The following RNF17 variants were observed in gnomAD, a reference collection of about 807,000 sequenced individuals.
RNF17 encodes ring finger protein 17.
RNF17 carries 31 observed loss-of-function variants against 200.5 expected under a neutral mutation model. The observed-to-expected ratio is 0.15, with a 90% CI of 0.12 to 0.21. RNF17 has a LOEUF of 0.21. Among genes scored for constraint, RNF17 ranks in the 10% least tolerant of loss-of-function variants. RNF17 has a pLI of 1.00. For missense variants in RNF17, 1,628 were observed against 1,905.1 expected (o/e 0.85, Z 2.71); for synonymous variants, 606 against 637.8 (o/e 0.95, Z 0.75).
intron 15 of RNF17, 108 bp downstream of exon 15, chr13:24,804,537 A>G (rs1260883643): frequency 1.4e-6 from 1 of 739,086 alleles, no homozygotes; most frequent in Non-Finnish European, 2.1e-6. Context: ...CAAACGTACC[A>G]CTGTTAACCT....
At chr13:24,873,465 G>T (rs1360508026) in intron 32 of RNF17, among the ~76,000 whole-genome samples, 1 of 152,082 alleles carries the variant, frequency 6.6e-6, no homozygotes, top group African/African-American at 2.4e-5. Flanking sequence ...GTATGTTTAT[G>T]GGGTACATGT....
In RNF17 at chr13:24,781,883, G is replaced by A. The variant is rs1313270614; in HGVS notation, c.550G>A (p.Glu184Lys). The change falls in exon 6 of 36, where the codon GAA (glutamate) becomes AAA (lysine). Residue 184 changes from glutamate (E) to lysine (K), a missense_variant. Around this residue, in one of 5 missense-constraint regions of RNF17, gnomAD observed 502 missense variants for 501.7 expected, o/e 1.00. Transcript: ENST00000255324. ...HMQKQTIEER[E>K]RVIEVVEKQF... Reference sequence around the variant, plus strand: ...GCAGAAGCAAACGATAGAGGAAAGAGAAAGAGTTATAGAAGTTGTGGAGAA... The same window carrying A: ...GCAGAAGCAAACGATAGAGGAAAGAAAAAGAGTTATAGAAGTTGTGGAGAA... 7 of 1,612,506 alleles carry A rather than the reference G, an allele frequency of 4.3e-6. No homozygotes were observed. Among genetic ancestry groups the A allele is most frequent in the African/African-American group, 1.3e-5 (1 of 74,760 alleles).
intron 30 of RNF17, 106 bp from the exon 31 acceptor site, chr13:24,868,491 AAAC>A: frequency 3.2e-5 from 18 of 566,286 alleles, no homozygotes; most frequent in Admixed American, 9.0e-5. Flanking sequence ...AAAAAAAAAA[AAAC>A]TTGCTTTCTG....
At chr13:24,834,201 G>A (rs1306067294) in intron 18 of RNF17, among the ~76,000 whole-genome samples, 1 of 152,020 alleles carries the variant, frequency 6.6e-6, no homozygotes, top group African/African-American at 2.4e-5. Flanking sequence ...GAGGTCAGGA[G>A]TTTGAGACCA....
intron 6 of RNF17, among the ~76,000 whole-genome samples, chr13:24,786,263 G>C (rs1312721365): frequency 6.6e-6 from 1 of 152,066 alleles, no homozygotes; most frequent in African/African-American, 2.4e-5. Context: ...TTGAGTAGTA[G>C]ACAGCTTAAC....
chr13:24,809,955 G>A (rs1428728489), intron 15 of RNF17, among the ~76,000 whole-genome samples: 1 of 152,144 alleles, frequency 6.6e-6, no homozygotes, highest in Non-Finnish European at 1.5e-5. Flanking sequence ...GCGGTTTTGA[G>A]TGAGATTCTT....
intron 15 of RNF17, among the ~76,000 whole-genome samples, chr13:24,810,892 C>T (rs1886514921): frequency 6.7e-6 from 1 of 149,058 alleles, no homozygotes; most frequent in African/African-American, 2.5e-5. Flanking sequence ...ATTTCTCCTT[C>T]ACTTATGAAG....
intron 7 of RNF17, among the ~76,000 whole-genome samples, chr13:24,788,762 C>T (rs1249921164): frequency 1.3e-5 from 2 of 152,150 alleles, no homozygotes; most frequent in Non-Finnish European, 2.9e-5. Context: ...TCTTTGCTGA[C>T]TTCTGCCTCA....
At chr13:24,886,478 G>GTAAC in the RNF17 span, 2 of 591,914 alleles carry the variant, frequency 3.4e-6, no homozygotes, top group South Asian at 3.0e-5. Flanking sequence ...ATGATTCAAT[G>GTAAC]TAACTAATAG....
Position 24,844,816 on chromosome 13 carries a change from T to G in RNF17, c.2982+14T>G. ...ACATTGGTAGAGGTAAATTACAGAG[T>G]TAAAAGTGTAATTGTGAAGGTGAAT... On this transcript the variant is annotated intron_variant, in intron 21 of 35. Transcript: ENST00000255324. 2 of 1,607,382 alleles carry G rather than the reference T, an allele frequency of 1.2e-6. No homozygotes were observed. The highest frequency in any genetic ancestry group is 1.7e-6 in the Non-Finnish European group (2 of 1,177,458).
chr13:24,748,190 G>T, the RNF17 span, among the ~76,000 whole-genome samples: 1 of 152,220 alleles, frequency 6.6e-6, no homozygotes, highest in African/African-American at 2.4e-5. Context: ...ACCCCTAATT[G>T]AGTTATCGTG....
At chr13:24,823,449 C>T (rs1176105758) in intron 15 of RNF17, among the ~76,000 whole-genome samples, 1 of 150,508 alleles carries the variant, frequency 6.6e-6, no homozygotes, top group Non-Finnish European at 1.5e-5. Flanking sequence ...CATTCCTTGT[C>T]ATGTATGATC....
At chr13:24,778,050 T>G (rs1199553545) in intron 3 of RNF17, among the ~76,000 whole-genome samples, 5 of 152,048 alleles carry the variant, frequency 3.3e-5, no homozygotes, top group Non-Finnish European at 5.9e-5. Flanking sequence ...TCACTTGAGC[T>G]TAGGATTTTG....
chr13:24,815,002 T>TGA (rs949430905), intron 15 of RNF17, among the ~76,000 whole-genome samples: 2 of 151,874 alleles, frequency 1.3e-5, no homozygotes, highest in Non-Finnish European at 2.9e-5. Flanking sequence ...TTTTAACAAG[T>TGA]GAGAGAGAGA....
intron 15 of RNF17, among the ~76,000 whole-genome samples, chr13:24,813,965 G>A (rs976942281): frequency 9.9e-5 from 15 of 151,532 alleles, no homozygotes; most frequent in African/African-American, 2.4e-4. Flanking sequence ...CTCAGTCTGC[G>A]TTTATCTTTT....
At chr13:24,816,414 A>C (rs55991921) in intron 15 of RNF17, among the ~76,000 whole-genome samples, 1 of 152,136 alleles carries the variant, frequency 6.6e-6, no homozygotes, top group African/African-American at 2.4e-5. Context: ...AGTGTGGGTC[A>C]CTTGTTCTAC....
chr13:24,828,669 A>T (rs1024187256), intron 16 of RNF17, among the ~76,000 whole-genome samples: 3 of 151,604 alleles, frequency 2.0e-5, no homozygotes, highest in African/African-American at 7.3e-5. Context: ...GCCATAAAGT[A>T]TACTTTTTAA....
intron 17 of RNF17, 68 bp from the exon 18 acceptor site, chr13:24,831,790 A>G: frequency 7.2e-7 from 1 of 1,391,938 alleles, no homozygotes; most frequent in Non-Finnish European, 9.9e-7. Flanking sequence ...CACACTTAAT[A>G]AAACTTGAAT....
intron 2 of RNF17, among the ~76,000 whole-genome samples, chr13:24,773,201 G>A (rs1164066996): frequency 1.3e-5 from 2 of 152,132 alleles, no homozygotes; most frequent in African/African-American, 4.8e-5. Flanking sequence ...CCATTACTGG[G>A]TATATACCCA....
Sources: gnomAD v4.1 joint callset for allele counts (sites outside exome capture counted in the v4.1 genomes callset) on GRCh38, gnomAD v4.1.1 for gene constraint, gnomAD v4.1.1 regional missense constraint, MANE v1.5 for transcripts, NCBI Gene and HGNC (gene_info 2026-07-23, HGNC 2026-07-21) for gene names.